RELN: variants seen among roughly 807,000 people sequenced by gnomAD.
RELN encodes the protein reelin.
A neutral mutation model predicts 427.6 loss-of-function variants in RELN; 108 were observed. The observed-to-expected ratio is 0.25, with a 90% CI of 0.22 to 0.30. The LOEUF (loss-of-function observed/expected upper bound fraction) is 0.30, where lower values mean the gene tolerates loss of function less well. Among genes scored for constraint, RELN ranks in the 10% least tolerant of loss-of-function variants. RELN has a pLI of 1.00. For synonymous variants in RELN, 1,524 were observed against 1,513.4 expected, an observed-to-expected ratio of 1.01 and a Z score of -0.16; for missense variants, 3,715 against 4,302.8, an observed-to-expected ratio of 0.86 and a Z score of 3.82.
chr7:103,880,982 C>T (rs189424774), intron 2 of RELN, among the ~76,000 whole-genome samples: 1 of 152,302 alleles, frequency 6.6e-6, no homozygotes, highest in East Asian at 1.9e-4. Context: ...GTGGAAACCA[C>T]CACACCCAGC....
chr7:103,544,103 C>G (rs772591016), intron 42 of RELN, among the ~76,000 whole-genome samples: 1 of 151,646 alleles, frequency 6.6e-6, no homozygotes, highest in African/African-American at 2.4e-5. Context: ...GTATTTCATT[C>G]CTTTTTATGG....
At chr7:103,871,248 C>T (rs977373532) in intron 2 of RELN, among the ~76,000 whole-genome samples, 2 of 110,216 alleles carry the variant, frequency 1.8e-5, no homozygotes, top group Admixed American at 9.6e-5. Context: ...TTTATTCTTT[C>T]GAAAAGAATA....
chr7:103,872,056 T>TTTTC (rs1554434488), intron 2 of RELN, among the ~76,000 whole-genome samples: 1 of 146,344 alleles, frequency 6.8e-6, no homozygotes, highest in Admixed American at 6.8e-5. Flanking sequence ...TTTTTTCTTT[T>TTTTC]TTTATTTATT....
intron 4 of RELN, 113 bp downstream of exon 4, chr7:103,776,444 T>C: frequency 9.1e-7 from 1 of 1,095,096 alleles, no homozygotes; most frequent in Non-Finnish European, 1.4e-6. Flanking sequence ...ATACTTACAT[T>C]TTTAAAGCTT....
intron 3 of RELN, among the ~76,000 whole-genome samples, chr7:103,781,510 T>G (rs1353088243): frequency 6.6e-6 from 1 of 152,176 alleles, no homozygotes; most frequent in South Asian, 2.1e-4. Flanking sequence ...TTACTTCCTA[T>G]AGTCATCGTT....
intron 1 of RELN, among the ~76,000 whole-genome samples, chr7:103,925,971 T>G (rs1451437838): frequency 1.3e-5 from 2 of 152,144 alleles, no homozygotes; most frequent in Admixed American, 1.3e-4. Context: ...CTGTTTCTAT[T>G]ATGTTTTTTT....
chr7:103,869,998 C>T (rs1244609441), intron 2 of RELN, among the ~76,000 whole-genome samples: 2 of 152,128 alleles, frequency 1.3e-5, no homozygotes, highest in Admixed American at 1.3e-4. Flanking sequence ...ATTCTTTCTT[C>T]TGCCATCCTC....
chr7:103,761,693 C>G (rs1211361033), intron 4 of RELN, among the ~76,000 whole-genome samples: 1 of 151,886 alleles, frequency 6.6e-6, no homozygotes, highest in Non-Finnish European at 1.5e-5. Context: ...TGGGCTCAAG[C>G]AATCCACCCG....
chr7:103,962,893 T>C (rs1197818582), intron 1 of RELN, among the ~76,000 whole-genome samples: 2 of 152,076 alleles, frequency 1.3e-5, no homozygotes, highest in East Asian at 1.9e-4. Flanking sequence ...CCTGAGAAAA[T>C]AGGGTAAACA....
At chr7:103,872,540 T>C (rs1455522359) in intron 2 of RELN, among the ~76,000 whole-genome samples, 1 of 133,078 alleles carries the variant, frequency 7.5e-6, no homozygotes, top group African/African-American at 2.7e-5. Flanking sequence ...GCATGTGTCT[T>C]TATAGCGGCA....
chr7:103,930,472 T>C (rs552691458), intron 1 of RELN, among the ~76,000 whole-genome samples: 3 of 151,638 alleles, frequency 2.0e-5, no homozygotes, highest in African/African-American at 7.3e-5. Flanking sequence ...CCGTAATGCA[T>C]TTCTTTCTTT....
chr7:103,933,507 GAGGGAGGGAGGGGAAGAGA>G (rs1226098672), intron 1 of RELN, among the ~76,000 whole-genome samples: 1 of 147,326 alleles, frequency 6.8e-6, no homozygotes, highest in Non-Finnish European at 1.5e-5. Flanking sequence ...GGGAGGGAGG[GAGGGAGGGAGGGGAAGAGA>G]AGGGAGGGAG....
intron 2 of RELN, among the ~76,000 whole-genome samples, chr7:103,852,044 G>A (rs919531649): frequency 6.6e-6 from 1 of 152,088 alleles, no homozygotes; most frequent in Non-Finnish European, 1.5e-5. Flanking sequence ...CTGAGATTTG[G>A]GAGTTAATTT....
chr7:103,863,112 C>T lies in RELN; in HGVS notation c.338-29440G>A, dbSNP rs539647047. On this transcript the variant is annotated intron_variant, in intron 2 of 64. Transcript: ENST00000428762. ...TAAAGCTCATCAAGAGAGACTGAAACGAATAAGCAACAATGTGCGCCACCA... is the reference window on the plus strand; with the variant it reads ...TAAAGCTCATCAAGAGAGACTGAAATGAATAAGCAACAATGTGCGCCACCA... Among the ~76,000 whole-genome samples the T allele has an allele frequency of 5.9e-5, 9 of 152,096 alleles. No individual in the cohort carries two copies. The South Asian group carries it at 8.3e-4, about 14-fold the overall frequency.
At position 103,970,928 on chromosome 7, in the gene RELN, G is replaced by T. The variant is rs978640630; in HGVS notation, c.226+18203C>A. Among the ~76,000 whole-genome samples, 13 of 152,272 alleles carry T rather than the reference G, an allele frequency of 8.5e-5. No individual in the cohort carries two copies. In the East Asian group the frequency reaches 2.5e-3, roughly 29 times the overall value. On this transcript the variant is annotated intron_variant, in intron 1 of 64. Transcript: ENST00000428762. Reference sequence around the variant, plus strand: ...CCCAGCACTTTGGGAAGTTGAGGCGGGTGGATCACCTGAGGTCAGGAGTTT... The same window carrying T: ...CCCAGCACTTTGGGAAGTTGAGGCGTGTGGATCACCTGAGGTCAGGAGTTT...
At chr7:103,693,624 G>A (rs532876676) in intron 10 of RELN, among the ~76,000 whole-genome samples, 1 of 151,938 alleles carries the variant, frequency 6.6e-6, no homozygotes, top group Admixed American at 6.6e-5. Flanking sequence ...ATAAAAATTG[G>A]AAAGGGCCTT....
chr7:103,889,849 C>T (rs1476783744), intron 2 of RELN, among the ~76,000 whole-genome samples: 1 of 152,156 alleles, frequency 6.6e-6, no homozygotes, highest in Non-Finnish European at 1.5e-5. Flanking sequence ...GCACTAGAAA[C>T]ATTTTCCCAA....
chr7:103,562,014 A>T (rs1830656038), intron 34 of RELN, 61 bp from the exon 35 acceptor site: 8 of 1,562,886 alleles, frequency 5.1e-6, no homozygotes, highest in African/African-American at 2.7e-5. Context: ...TTGAAAGCAC[A>T]AGGACATTTA....
intron 1 of RELN, among the ~76,000 whole-genome samples, chr7:103,985,221 T>C (rs1430215462): frequency 2.0e-5 from 3 of 152,130 alleles, no homozygotes; most frequent in Non-Finnish European, 4.4e-5. Flanking sequence ...ACTTACAAAA[T>C]ACAGTAAAAT....
Sources: gnomAD v4.1 joint callset for allele counts (sites outside exome capture counted in the v4.1 genomes callset) on GRCh38, gnomAD v4.1.1 for gene constraint, MANE v1.5 for transcripts, NCBI Gene and HGNC (gene_info 2026-07-23, HGNC 2026-07-21) for gene names.